MXRA5: variants seen among roughly 807,000 people sequenced by gnomAD.
MXRA5 encodes the protein matrix-remodeling-associated protein 5.
In MXRA5, 41 loss-of-function variants were observed where a neutral mutation model predicts 112.5. The ratio of observed to expected loss-of-function variants is 0.36; its 90% confidence interval spans 0.28 to 0.47. MXRA5 has a LOEUF of 0.47. Among genes scored for constraint, MXRA5 ranks in the 20% least tolerant of loss-of-function variants. MXRA5 has a pLI of 0.99. For synonymous variants in MXRA5, 862 were observed against 900.8 expected (o/e 0.96, Z 0.77); for missense variants, 2,150 against 2,251.0 (o/e 0.96, Z 0.91).
At chrX:3,314,942 A>G (rs146462593) in intron 6 of MXRA5, among the ~76,000 whole-genome samples, 2,459 of 111,306 alleles carry the variant, frequency 0.022, 68 homozygotes, top group African/African-American at 0.076. Context: ...GGATGCATGA[A>G]TGAATAGATA....
intron 2 of MXRA5, among the ~76,000 whole-genome samples, chrX:3,339,858 T>C (rs1423479285): frequency 1.8e-5 from 2 of 112,420 alleles, no homozygotes; most frequent in Non-Finnish European, 3.7e-5. Context: ...CATTCCAGAC[T>C]ATCTTCATCG....
intron 4 of MXRA5, among the ~76,000 whole-genome samples, chrX:3,326,491 C>A (rs1921513146): frequency 9.8e-6 from 1 of 102,065 alleles, no homozygotes; most frequent in Admixed American, 1.1e-4. Context: ...ATGTATGTAT[C>A]TAGGTAACTA....
intron 2 of MXRA5, among the ~76,000 whole-genome samples, chrX:3,341,661 A>G (rs768637141): frequency 1.1e-3 from 78 of 72,696 alleles, no homozygotes; most frequent in African/African-American, 3.7e-3. Context: ...TAATATGTAT[A>G]TTTACATTAT....
intron 3 of MXRA5, 73 bp downstream of exon 3, chrX:3,330,571 A>G: frequency 8.6e-7 from 1 of 1,162,434 alleles, no homozygotes; most frequent in Non-Finnish European, 1.1e-6. Flanking sequence ...AAGGAGAATG[A>G]CATAATTTCT....
chrX:3,315,414 T>TG (rs1921089205), intron 6 of MXRA5, among the ~76,000 whole-genome samples: 3 of 56,755 alleles, frequency 5.3e-5, no homozygotes, highest in African/African-American at 7.5e-5. Flanking sequence ...GATAGATAGA[T>TG]AGATAGAACC....
intron 6 of MXRA5, among the ~76,000 whole-genome samples, chrX:3,316,676 TTTA>T (rs200028806): frequency 0.027 from 2,934 of 107,098 alleles, 123 homozygotes; most frequent in African/African-American, 0.095. Context: ...CTCTAATGAA[TTTA>T]TTATTATTAT....
rs780866595 is a variant in MXRA5, at chrX:3,324,870, T to C, written c.815A>G (p.Asp272Gly). ...LYKHEIHKLK[D>G]MTCLKPSIES... Reference sequence around the variant, plus strand: ...TATTGAAGGCTTCAGACAAGTCATGTCCTTCAGCTTGTGTATCTCATGTTT... The same window carrying C: ...TATTGAAGGCTTCAGACAAGTCATGCCCTTCAGCTTGTGTATCTCATGTTT... The change falls in exon 5 of 7, where the codon GAC becomes GGC. Residue 272 changes from aspartate to glycine, a missense_variant. Coordinates refer to ENST00000217939, the MANE Select transcript of MXRA5 (RefSeq NM_015419.4). The C allele has an allele frequency of 6.6e-6, 8 of 1,210,119 alleles. No individual in the cohort carries two copies. The African/African-American group carries it at 7.0e-5, about 11-fold the overall frequency.
At position 3,343,684 on chromosome X, in the gene MXRA5, G is replaced by A; in HGVS notation, c.150C>T (p.Pro50=). The A allele has an allele frequency of 8.3e-6, 10 of 1,211,728 alleles. No homozygotes were observed. Among genetic ancestry groups the A allele is most frequent in the Non-Finnish European group, 1.1e-5 (10 of 895,436 alleles). ...TTTCCACGTGTTTAGCAATGCCAGC[G>A]GGCACGGAAGCCAGGGATCGGAACG... ...HCTFRSLASV[P]AGIAKHVERI... The change falls in exon 2 of 7, where the codon CCC becomes CCT. Residue 50 remains proline (P), a synonymous_variant. Coordinates refer to ENST00000217939, the MANE Select transcript of MXRA5 (RefSeq NM_015419.4).
intron 4 of MXRA5, among the ~76,000 whole-genome samples, chrX:3,326,305 T>C (rs996834863): frequency 1.4e-5 from 1 of 70,716 alleles, no homozygotes; most frequent in African/African-American, 5.0e-5. Flanking sequence ...ACATTTATAA[T>C]ATATAATTTG....
rs376165336 is a variant in MXRA5, at chrX:3,322,347, G to A, written c.3338C>T (p.Ala1113Val). The A allele has an allele frequency of 3.1e-5, 37 of 1,209,132 alleles. No homozygotes were observed. The Admixed American group carries it at 4.4e-4, about 14-fold the overall frequency. The change falls in exon 5 of 7, where the codon GCG (alanine) becomes GTG (valine). Residue 1113 changes from alanine (A) to valine (V), a missense_variant. Ala to Val is a moderately conservative substitution (Grantham distance 64). Coordinates refer to ENST00000217939, the MANE Select transcript of MXRA5 (RefSeq NM_015419.4). The stretch of plus-strand genomic sequence containing the variant: ...TAGGAGGGTACCAACTGTGGTTTCC[G>A]CAGGCTTCTTAACTGGAGACATACT... Reference protein sequence around the residue: ...MSSMSPVKKPAETTVGTLLDK... With the variant: ...MSSMSPVKKPVETTVGTLLDK...
In MXRA5 at chrX:3,317,659, G is replaced by A; in HGVS notation, c.6022C>T (p.Arg2008Trp). ...GACGCCTCCTTGATGGAAAGGGTCC[G>A]GTTTTCGTGCAGGGTGATGCGGCCC... ...VEGRITLHEN[R>W]TLSIKEASFS... The change falls in exon 6 of 7, where the codon CGG becomes TGG. Residue 2008 changes from arginine to tryptophan, a missense_variant. Physicochemically the swap from Arg to Trp is moderately radical, Grantham distance 101. Transcript: ENST00000217939. 4 of 1,204,964 alleles carry A rather than the reference G, an allele frequency of 3.3e-6. No homozygotes were observed. The highest frequency in any genetic ancestry group is 5.9e-5 in the East Asian group (2 of 33,684).
chrX:3,316,131 G>A (rs1244171102), intron 6 of MXRA5, among the ~76,000 whole-genome samples: 2 of 74,342 alleles, frequency 2.7e-5, no homozygotes, highest in East Asian at 4.1e-4. Flanking sequence ...TGGCTAACAC[G>A]GTGAAACCCC....
chrX:3,316,876 A>G (rs1188387468), intron 6 of MXRA5, among the ~76,000 whole-genome samples: 1 of 110,274 alleles, frequency 9.1e-6, no homozygotes, highest in Admixed American at 9.6e-5. Context: ...GTGTTTCACC[A>G]TGTCGGCCAG....
intron 2 of MXRA5, among the ~76,000 whole-genome samples, chrX:3,342,992 C>T (rs1187466201): frequency 2.7e-5 from 3 of 112,171 alleles, no homozygotes; most frequent in East Asian, 2.8e-4. Context: ...ATTTTGTTGA[C>T]GAACTCCAAA....
Position 3,311,425 on chromosome X carries a change from C to T in MXRA5, c.6778G>A (p.Asp2260Asn), listed in dbSNP as rs1358709517. 1 of 1,211,867 alleles carries T rather than the reference C, an allele frequency of 8.3e-7. No individual in the cohort carries two copies. The highest frequency in any genetic ancestry group is 2.2e-5 in the Admixed American group (1 of 46,104). Residue 2260 changes from aspartate to asparagine, a missense_variant, in exon 7 of 7, where the codon GAC becomes AAC. By Grantham distance (23) the Asp-to-Asn change is conservative. Around this residue, in one of 6 missense-constraint regions of MXRA5, gnomAD observed 1,485 missense variants for 1,471.6 expected, o/e 1.01. Transcript: ENST00000217939. ...GTGGCCACACAGTCCACTTTCAGGT[C>T]ACCCCCGTAGAAGACTTTGTGGTCG... ...ENDHKVFYGG[D>N]LKVDCVATGL...
At position 3,322,392 on chromosome X, in the gene MXRA5, G is replaced by T. The variant is rs755364885; in HGVS notation, c.3293C>A (p.Ser1098Tyr). Reference protein sequence around the residue: ...QESKSITLPDSTLGIMSSMSP... With the variant: ...QESKSITLPDYTLGIMSSMSP... ...CATACTGCTCATTATACCCAGTGTG[G>T]AGTCAGGCAAAGTGATGGATTTGCT... Residue 1098 changes from serine (S) to tyrosine (Y), a missense_variant, in exon 5 of 7, where the codon TCC (serine) becomes TAC (tyrosine). This residue lies in a region of MXRA5 where 1,485 missense variants were observed against 1,471.6 expected (regional missense o/e 1.01). Transcript: ENST00000217939. The T allele has an allele frequency of 9.9e-6, 12 of 1,209,572 alleles. No homozygotes were observed. Among genetic ancestry groups the T allele is most frequent in the Non-Finnish European group, 1.3e-5 (12 of 895,144 alleles).
At chrX:3,338,071 G>A (rs1382211494) in intron 2 of MXRA5, among the ~76,000 whole-genome samples, 1 of 111,362 alleles carries the variant, frequency 9.0e-6, no homozygotes, top group Non-Finnish European at 1.9e-5. Flanking sequence ...CTGGCCAACC[G>A]ACCAATGGAA....
intron 2 of MXRA5, among the ~76,000 whole-genome samples, chrX:3,343,099 T>C (rs998931612): frequency 8.9e-6 from 1 of 112,586 alleles, no homozygotes; most frequent in Non-Finnish European, 1.9e-5. Flanking sequence ...ATGAAACCAG[T>C]ATATTAAAAG....
intron 6 of MXRA5, among the ~76,000 whole-genome samples, chrX:3,314,638 A>T (rs1383999684): frequency 6.3e-5 from 7 of 110,981 alleles, no homozygotes; most frequent in Non-Finnish European, 9.4e-5. Flanking sequence ...ACATTTTCAT[A>T]CTAAGATAGG....
Sources: allele counts gnomAD v4.1 joint callset (sites outside exome capture counted in the v4.1 genomes callset), GRCh38; gene constraint gnomAD v4.1.1; regional missense constraint gnomAD v4.1.1; transcripts MANE v1.5; gene names NCBI Gene and HGNC (gene_info 2026-07-23, HGNC 2026-07-21).